The following ZNF385D variants were observed in gnomAD, a reference collection of about 807,000 sequenced individuals.
ZNF385D encodes the protein zinc finger protein 385D, also known as zinc finger protein 659.
In ZNF385D, 15 loss-of-function variants were observed where a neutral mutation model predicts 35.8. The observed-to-expected ratio is 0.42, with a 90% confidence interval of 0.28 to 0.64. The LOEUF (loss-of-function observed/expected upper bound fraction) is 0.64, where lower values mean the gene tolerates loss of function less well. Among genes scored for constraint, ZNF385D ranks in the 30% least tolerant of loss-of-function variants. The pLI, the probability that ZNF385D is intolerant of heterozygous loss-of-function variation, is 0.23. For synonymous variants in ZNF385D, 212 were observed against 186.8 expected, an observed-to-expected ratio of 1.13 and a Z score of -1.10; for missense variants, 474 against 494.6, an observed-to-expected ratio of 0.96 and a Z score of 0.39.
intron 3 of ZNF385D, among the ~76,000 whole-genome samples, chr3:22,021,082 G>A (rs987409949): frequency 6.7e-6 from 1 of 150,304 alleles, no homozygotes; most frequent in Non-Finnish European, 1.5e-5. Context: ...TGGACATAGA[G>A]AGTGAAATGA....
At chr3:21,638,743 C>T (rs1411602957) in intron 2 of ZNF385D, among the ~76,000 whole-genome samples, 1 of 152,050 alleles carries the variant, frequency 6.6e-6, no homozygotes, top group Non-Finnish European at 1.5e-5. Flanking sequence ...TAGAAAGCTA[C>T]TTTAGTTATG....
chr3:21,608,837 T>G (rs2064576744), intron 2 of ZNF385D, among the ~76,000 whole-genome samples: 1 of 152,196 alleles, frequency 6.6e-6, no homozygotes, highest in South Asian at 2.1e-4. Context: ...TATTAAATTG[T>G]GTTGTTCTTC....
At chr3:22,062,401 ACATT>A (rs1395554960) in intron 3 of ZNF385D, among the ~76,000 whole-genome samples, 2 of 152,150 alleles carry the variant, frequency 1.3e-5, no homozygotes, top group East Asian at 3.9e-4. Flanking sequence ...GGAAGAATTA[ACATT>A]CATTTTACTT....
chr3:22,133,020 A>G (rs956990180), intron 3 of ZNF385D, among the ~76,000 whole-genome samples: 3 of 152,168 alleles, frequency 2.0e-5, no homozygotes, highest in African/African-American at 4.8e-5. Context: ...GAAAATTTCT[A>G]TAGTTTCCCC....
intron 3 of ZNF385D, among the ~76,000 whole-genome samples, chr3:21,769,919 C>T (rs1192437847): frequency 6.6e-6 from 1 of 151,900 alleles, no homozygotes; most frequent in Non-Finnish European, 1.5e-5. Context: ...ACAGAGCCCT[C>T]AGAAATAATA....
chr3:21,473,530 C>T (rs573141488), intron 4 of ZNF385D, among the ~76,000 whole-genome samples: 53 of 152,142 alleles, frequency 3.5e-4, no homozygotes, highest in African/African-American at 1.3e-3. Context: ...CAAGTGGCCC[C>T]TTGTTGAACC....
At chr3:22,141,116 C>T (rs1226765909) in intron 3 of ZNF385D, among the ~76,000 whole-genome samples, 1 of 152,126 alleles carries the variant, frequency 6.6e-6, no homozygotes, top group Non-Finnish European at 1.5e-5. Flanking sequence ...CAACATATTT[C>T]ATTACTTAAA....
At chr3:22,077,541 G>A (rs1040709770) in intron 3 of ZNF385D, among the ~76,000 whole-genome samples, 1 of 151,938 alleles carries the variant, frequency 6.6e-6, no homozygotes, top group African/African-American at 2.4e-5. Context: ...TCTTAGCAAA[G>A]GCCCACTAAG....
At chr3:21,672,379 G>A (rs2066602146) in intron 1 of ZNF385D, among the ~76,000 whole-genome samples, 1 of 151,730 alleles carries the variant, frequency 6.6e-6, no homozygotes, top group South Asian at 2.1e-4. Flanking sequence ...AAGTGAACTG[G>A]CCTTAGCAGG....
intron 3 of ZNF385D, among the ~76,000 whole-genome samples, chr3:21,522,020 T>C (rs1466124001): frequency 6.6e-6 from 1 of 152,126 alleles, no homozygotes; most frequent in Non-Finnish European, 1.5e-5. Context: ...AAATACCAAT[T>C]TTGGCCAAAA....
At chr3:21,939,840 G>A (rs473544) in intron 3 of ZNF385D, among the ~76,000 whole-genome samples, 9,249 of 152,232 alleles carry the variant, frequency 0.061, 441 homozygotes, top group African/African-American at 0.12. Context: ...CCTCAGATGT[G>A]AGAGATCTAT....
intron 2 of ZNF385D, among the ~76,000 whole-genome samples, chr3:22,320,297 T>C (rs1029538027): frequency 6.6e-6 from 1 of 152,122 alleles, no homozygotes; most frequent in Non-Finnish European, 1.5e-5. Flanking sequence ...ATAGCATTAG[T>C]ATTCTAGTAA....
chr3:22,132,338 C>A (rs1248162634), intron 3 of ZNF385D, among the ~76,000 whole-genome samples: 2 of 152,144 alleles, frequency 1.3e-5, no homozygotes, highest in Non-Finnish European at 2.9e-5. Context: ...ACCAAATCTG[C>A]TGGTGTTCTA....
At chr3:22,211,711 G>C (rs1313295694) in intron 2 of ZNF385D, among the ~76,000 whole-genome samples, 1 of 151,948 alleles carries the variant, frequency 6.6e-6, no homozygotes, top group Non-Finnish European at 1.5e-5. Context: ...AGTGGATGAT[G>C]GTGGGGCAGA....
intron 3 of ZNF385D, among the ~76,000 whole-genome samples, chr3:22,094,391 T>TAC (rs1701496287): frequency 8.9e-6 from 1 of 111,938 alleles, no homozygotes; most frequent in Non-Finnish European, 2.2e-5. Flanking sequence ...TGTTGATATA[T>TAC]ATATATATAT....
intron 3 of ZNF385D, among the ~76,000 whole-genome samples, chr3:21,802,454 C>T (rs534305637): frequency 3.9e-5 from 6 of 152,074 alleles, no homozygotes; most frequent in Non-Finnish European, 8.8e-5. Flanking sequence ...GAATAAAGCA[C>T]TGTGTAAGTA....
intron 2 of ZNF385D, among the ~76,000 whole-genome samples, chr3:21,637,864 G>C (rs2065492082): frequency 6.6e-6 from 1 of 152,046 alleles, no homozygotes. Flanking sequence ...AGAAACTCCT[G>C]ATTATTTCCA....
intron 4 of ZNF385D, among the ~76,000 whole-genome samples, chr3:21,440,304 T>C (rs1293236561): frequency 6.6e-6 from 1 of 152,142 alleles, no homozygotes; most frequent in African/African-American, 2.4e-5. Flanking sequence ...CTTGACATGA[T>C]GTGATGAAAA....
intron 4 of ZNF385D, among the ~76,000 whole-genome samples, chr3:21,450,431 C>T (rs1702389239): frequency 6.6e-6 from 1 of 152,128 alleles, no homozygotes; most frequent in Non-Finnish European, 1.5e-5. Flanking sequence ...AGATTTCAAT[C>T]TGCTCCCATA....
Sources: gnomAD v4.1 joint callset for allele counts (sites outside exome capture counted in the v4.1 genomes callset) on GRCh38, gnomAD v4.1.1 for gene constraint, MANE v1.5 for transcripts, NCBI Gene and HGNC (gene_info 2026-07-23, HGNC 2026-07-21) for gene names.